The following ALDH1A1 variants were observed in gnomAD, a reference collection of about 807,000 sequenced individuals.
The protein encoded by ALDH1A1 is aldehyde dehydrogenase 1 family member A1.
In ALDH1A1, 19 loss-of-function variants were observed where a neutral mutation model predicts 62.1. The ratio of observed to expected loss-of-function variants is 0.31; its 90% CI spans 0.21 to 0.45. The LOEUF (loss-of-function observed/expected upper bound fraction) is 0.45. Ranked by LOEUF, ALDH1A1 falls within the 20% of genes least tolerant of loss-of-function variation. The probability of loss-of-function intolerance (pLI) is 1.00; values close to 1 mark genes in which losing one functional copy is unlikely to be tolerated. For synonymous variants in ALDH1A1, 231 were observed against 215.9 expected (o/e 1.07, Z -0.61); for missense variants, 521 against 607.1 (o/e 0.86, Z 1.49).
chr9:72,920,589 G>A (rs965564209), intron 7 of ALDH1A1, among the ~76,000 whole-genome samples: 2 of 152,278 alleles, frequency 1.3e-5, no homozygotes, highest in East Asian at 1.9e-4. Context: ...AGCTACAAAC[G>A]TCAAAAGAAC....
At position 72,928,942 on chromosome 9, in the gene ALDH1A1, C is replaced by T. The variant is rs188688581; in HGVS notation, c.392G>A (p.Arg131His). ...CTTGTCAGCCCAACCTGCACAGTAG[C>T]GCAATGTTTTGATGCAGCCTGCTAA... is the stretch of plus-strand genomic sequence containing the variant. Reference protein sequence around the residue: ...NDLAGCIKTLRYCAGWADKIQ... With the variant: ...NDLAGCIKTLHYCAGWADKIQ... The change falls in exon 4 of 13, where the codon CGC becomes CAC. Residue 131 changes from arginine (R) to histidine (H), a missense_variant. Coordinates refer to ENST00000297785, the MANE Select transcript of ALDH1A1 (RefSeq NM_000689.5). The T allele has an allele frequency of 8.0e-5, 129 of 1,613,944 alleles. No homozygotes were observed. In the East Asian group the frequency reaches 8.0e-4, roughly 10 times the overall value.
chr9:72,920,421 T>G (rs1830125791), intron 7 of ALDH1A1, among the ~76,000 whole-genome samples: 1 of 152,192 alleles, frequency 6.6e-6, no homozygotes, highest in Non-Finnish European at 1.5e-5. Flanking sequence ...GTTTTTAATT[T>G]TGTAGATAAA....
intron 1 of ALDH1A1, among the ~76,000 whole-genome samples, chr9:72,951,708 C>T (rs1256298155): frequency 6.6e-6 from 1 of 151,766 alleles, no homozygotes; most frequent in Non-Finnish European, 1.5e-5. Flanking sequence ...AATTGTTTGA[C>T]GGTATGGATT....
intron 2 of ALDH1A1, among the ~76,000 whole-genome samples, chr9:72,938,807 A>G (rs1830377934): frequency 6.6e-6 from 1 of 151,096 alleles, no homozygotes; most frequent in African/African-American, 2.4e-5. Context: ...CAATGGCACT[A>G]TCTTGGCTCA....
chr9:72,930,996 C>T lies in ALDH1A1; in HGVS notation c.195G>A (p.Lys65=), dbSNP rs1384530166. The change falls in exon 3 of 13, where the codon AAG becomes AAA. Residue 65 remains lysine, a synonymous_variant. Transcript: ENST00000297785. ...CAATCTGAAAAGCCTGTCTTGCGGC[C>T]TTCACTGCCTTGTCAACATCCTCCT... ...GDKEDVDKAV[K]AARQAFQIGS... The T allele has an allele frequency of 6.2e-7, 1 of 1,613,984 alleles. No individual in the cohort carries two copies. The highest frequency in any genetic ancestry group is 1.7e-5 in the Admixed American group (1 of 59,988).
At chr9:72,925,416 A>G in intron 6 of ALDH1A1, 68 bp downstream of exon 6, 1 of 1,557,632 alleles carries the variant, frequency 6.4e-7, no homozygotes, top group Non-Finnish European at 8.8e-7. Context: ...GTAGCAACAA[A>G]TGAGGTCTTC....
At chr9:72,934,286 C>A (rs1370499613) in intron 2 of ALDH1A1, among the ~76,000 whole-genome samples, 1 of 152,140 alleles carries the variant, frequency 6.6e-6, no homozygotes, top group African/African-American at 2.4e-5. Context: ...CTGCTCTGAA[C>A]AATTTTAGGC....
intron 4 of ALDH1A1, among the ~76,000 whole-genome samples, chr9:72,927,577 C>T (rs772055948): frequency 8.2e-4 from 124 of 152,108 alleles, no homozygotes; most frequent in African/African-American, 2.3e-3. Context: ...AAAAAAGGGA[C>T]GAGAAAGGAA....
At chr9:72,947,013 G>A (rs1020500638) in intron 1 of ALDH1A1, among the ~76,000 whole-genome samples, 3 of 152,016 alleles carry the variant, frequency 2.0e-5, no homozygotes, top group African/African-American at 7.2e-5. Flanking sequence ...TATATAAAGA[G>A]TTGTACTGAG....
rs945878736 is a variant in ALDH1A1 at position 72,914,925 on chromosome 9, C to T, written c.1035+1995G>A. ...AAAGCCTCAGTTCACTCAACCACCC[C>T]TGGATGAGGCAATAGGCTAAAGCTT... On this transcript the variant is annotated intron_variant, in intron 9 of 12. Coordinates refer to ENST00000297785, the MANE Select transcript of ALDH1A1 (RefSeq NM_000689.5). Among the ~76,000 whole-genome samples, 4 of 152,162 alleles carry T rather than the reference C, an allele frequency of 2.6e-5. No homozygotes were observed. In the East Asian group the frequency reaches 5.8e-4, roughly 22 times the overall value.
At chr9:72,909,354 A>T (rs1829950528) in intron 11 of ALDH1A1, among the ~76,000 whole-genome samples, 1 of 151,942 alleles carries the variant, frequency 6.6e-6, no homozygotes, top group Non-Finnish European at 1.5e-5. Flanking sequence ...GCGTTTCACC[A>T]TGTTGGCCAG....
intron 1 of ALDH1A1, among the ~76,000 whole-genome samples, chr9:72,949,601 C>T (rs1830513962): frequency 6.6e-6 from 1 of 151,486 alleles, no homozygotes; most frequent in African/African-American, 2.4e-5. Flanking sequence ...AGAACTTAAA[C>T]AGTCATGGCA....
chr9:72,930,345 A>G (rs1830265329), intron 3 of ALDH1A1, among the ~76,000 whole-genome samples: 2 of 152,224 alleles, frequency 1.3e-5, no homozygotes, highest in African/African-American at 4.8e-5. Flanking sequence ...CATCTGTAAA[A>G]AGAACATCAT....
rs1260089337 is a variant in ALDH1A1, at chr9:72,912,092, C to T, written c.1066G>A (p.Asp356Asn). The change falls in exon 10 of 13, where the codon GAC becomes AAC. Residue 356 changes from aspartate (D) to asparagine (N), a missense_variant. By Grantham distance (23) the Asp-to-Asn change is conservative (BLOSUM62 1). Transcript: ENST00000297785. ...TCTTTCTTCCCACTCTCAATGAGGTCAAGTATTTTATCATATTGTTCCTTG... is the reference window on the plus strand; with the variant it reads ...TCTTTCTTCCCACTCTCAATGAGGTTAAGTATTTTATCATATTGTTCCTTG... ...IDKEQYDKIL[D>N]LIESGKKEGA... is the part of the protein sequence containing the mutation. 6.2e-7 allele frequency: 1 copy of T among 1,613,478 alleles called. No homozygotes were observed.
intron 10 of ALDH1A1, among the ~76,000 whole-genome samples, chr9:72,910,279 C>G (rs181068010): frequency 7.2e-5 from 11 of 152,100 alleles, no homozygotes; most frequent in Non-Finnish European, 1.3e-4. Flanking sequence ...CTACTGTACT[C>G]AGTAGAATAG....
chr9:72,941,083 G>A (rs1423715640), intron 1 of ALDH1A1, among the ~76,000 whole-genome samples: 1 of 151,994 alleles, frequency 6.6e-6, no homozygotes, highest in African/African-American at 2.4e-5. Context: ...ATACAGTCTT[G>A]GATAGTATAT....
At chr9:72,926,193 G>A (rs1830205657) in intron 5 of ALDH1A1, among the ~76,000 whole-genome samples, 1 of 152,158 alleles carries the variant, frequency 6.6e-6, no homozygotes, top group Non-Finnish European at 1.5e-5. Context: ...TGCCTCAGAA[G>A]GCTGTCTTGA....
rs1830516101 is a variant in ALDH1A1, at chr9:72,949,664, C to CAT, written c.66+3270_66+3271insAT. 1.2e-4 allele frequency among the ~76,000 whole-genome samples: 17 copies of CAT among 140,420 alleles called. No homozygotes were observed. The South Asian group carries it at 3.3e-3, about 28-fold the overall frequency. 92.1% of individuals were successfully genotyped at this position (140,420 alleles called of 152,430 possible). A position where few individuals can be genotyped will look rare whatever the true frequency, so the allele number is the denominator to read the frequency against. On this transcript the variant is annotated intron_variant, in intron 1 of 12. Coordinates refer to ENST00000297785, the MANE Select transcript of ALDH1A1 (RefSeq NM_000689.5). ...ATTATTTATTGTGTGTGTGTGTGTG[C>CAT]GTGTGTGTGTGTGTGTGTGTATGTA... is the stretch of plus-strand genomic sequence containing the variant.
intron 12 of ALDH1A1, among the ~76,000 whole-genome samples, chr9:72,903,791 G>A (rs1408632616): frequency 6.6e-6 from 1 of 151,846 alleles, no homozygotes; most frequent in East Asian, 1.9e-4. Flanking sequence ...TGACATGTTT[G>A]GTCTACTTTA....
Sources: gnomAD v4.1 joint callset for allele counts (sites outside exome capture counted in the v4.1 genomes callset) on GRCh38, gnomAD v4.1.1 for gene constraint, MANE v1.5 for transcripts, NCBI Gene and HGNC (gene_info 2026-07-23, HGNC 2026-07-21) for gene names.